Variants in NLGN1 observed in about 807,000 individuals in gnomAD.
NLGN1 encodes the protein neuroligin-1.
A neutral mutation model predicts 65.5 loss-of-function variants in NLGN1; 12 were observed. The observed-to-expected ratio is 0.18, with a 90% CI of 0.12 to 0.30. The LOEUF (loss-of-function observed/expected upper bound fraction) is 0.30, where lower values mean the gene tolerates loss of function less well. NLGN1 is among the 10% of genes least tolerant of loss of function. The pLI is 1.00. For missense variants in NLGN1, 750 were observed against 1,007.1 expected, an observed-to-expected ratio of 0.74 and a Z score of 3.46; for synonymous variants, 350 against 359.5, an observed-to-expected ratio of 0.97 and a Z score of 0.30.
intron 2 of NLGN1, among the ~76,000 whole-genome samples, chr3:173,455,982 A>G (rs185350670): frequency 6.6e-6 from 1 of 152,150 alleles, no homozygotes; most frequent in Admixed American, 6.5e-5. Context: ...AGCAAATTGA[A>G]CATTCCTCCA....
chr3:173,994,351 C>G (rs1428257748), intron 4 of NLGN1, among the ~76,000 whole-genome samples: 2 of 151,464 alleles, frequency 1.3e-5, no homozygotes. Flanking sequence ...TGCCTCAGCC[C>G]CTCAAAGTGC....
rs1769623651 is a variant in NLGN1 at position 173,715,095 on chromosome 3, G to GGA, written c.494-92576_494-92575dup. ...CCTCAAAAAAGGCATGAAAGGTGGG[G>GGA]GAGAGAGAGAAGTGGATGGACTCTA... is the stretch of plus-strand genomic sequence containing the variant. On this transcript the variant is annotated intron_variant, in intron 3 of 6. Transcript: ENST00000457714. Among the ~76,000 whole-genome samples the GGA allele has an allele frequency of 2.0e-5, 3 of 152,190 alleles. No homozygotes were observed. In the South Asian group the frequency reaches 6.2e-4, roughly 32 times the overall value.
intron 4 of NLGN1, among the ~76,000 whole-genome samples, chr3:174,009,015 T>A (rs934281283): frequency 6.6e-6 from 1 of 152,156 alleles, no homozygotes. Flanking sequence ...ATACCCTGGG[T>A]GACTTAGCAA....
chr3:173,820,407 T>TC (rs1329748337), intron 4 of NLGN1, among the ~76,000 whole-genome samples: 1 of 152,154 alleles, frequency 6.6e-6, no homozygotes, highest in East Asian at 1.9e-4. Context: ...GCGTTGGTGC[T>TC]CATAAGCATT....
chr3:174,018,343 G>A (rs1246258486), intron 4 of NLGN1, among the ~76,000 whole-genome samples: 1 of 152,090 alleles, frequency 6.6e-6, no homozygotes, highest in African/African-American at 2.4e-5. Flanking sequence ...AAGATGACAG[G>A]ATTACGAGAT....
At chr3:174,064,518 G>A (rs771964116) in intron 4 of NLGN1, among the ~76,000 whole-genome samples, 3 of 151,034 alleles carry the variant, frequency 2.0e-5, no homozygotes, top group Non-Finnish European at 4.4e-5. Context: ...ACCTCTCTAT[G>A]CCTTAGTTTC....
intron 4 of NLGN1, among the ~76,000 whole-genome samples, chr3:174,030,686 G>A (rs955355700): frequency 1.3e-5 from 2 of 152,134 alleles, no homozygotes; most frequent in African/African-American, 4.8e-5. Context: ...TAATCCACAG[G>A]TGGTGGCAGG....
At chr3:174,035,922 A>G (rs1234526405) in intron 4 of NLGN1, among the ~76,000 whole-genome samples, 1 of 152,046 alleles carries the variant, frequency 6.6e-6, no homozygotes, top group African/African-American at 2.4e-5. Flanking sequence ...AAGTTACATG[A>G]CCTTCTGCAC....
At chr3:174,168,934 A>G (rs1216141338) in intron 4 of NLGN1, among the ~76,000 whole-genome samples, 1 of 152,174 alleles carries the variant, frequency 6.6e-6, no homozygotes, top group South Asian at 2.1e-4. Context: ...CAAGAGAGTG[A>G]GTACTCCAGA....
At position 173,835,476 on chromosome 3, in the gene NLGN1, T is replaced by G. The variant is rs535946711; in HGVS notation, c.646+27644T>G. Among the ~76,000 whole-genome samples the G allele has an allele frequency of 3.7e-4, 56 of 152,032 alleles. No individual in the cohort carries two copies. The Middle Eastern group carries it at 0.02, about 55-fold the overall frequency. On this transcript the variant is annotated intron_variant, in intron 4 of 6. Coordinates refer to ENST00000457714, the Ensembl canonical transcript of NLGN1. ...TGGATACATATTTCATTATCAATCA[T>G]CTAAGAAAAGTAATATTTCATGTTT...
intron 4 of NLGN1, among the ~76,000 whole-genome samples, chr3:173,991,968 C>T (rs1383662508): frequency 6.6e-6 from 1 of 152,128 alleles, no homozygotes; most frequent in African/African-American, 2.4e-5. Context: ...GCTTGGATTA[C>T]AGGTGCCAGC....
chr3:173,629,754 T>G (rs1024727619), intron 3 of NLGN1, among the ~76,000 whole-genome samples: 1 of 152,116 alleles, frequency 6.6e-6, no homozygotes. Context: ...TTGTTTAATA[T>G]TGCTGTTATA....
At chr3:174,165,348 T>G (rs990329100) in intron 4 of NLGN1, among the ~76,000 whole-genome samples, 10 of 151,938 alleles carry the variant, frequency 6.6e-5, no homozygotes, top group African/African-American at 2.4e-4. Context: ...GGCATAGACG[T>G]GGTTCTTATT....
intron 2 of NLGN1, among the ~76,000 whole-genome samples, chr3:173,575,453 C>G (rs1745361143): frequency 6.6e-6 from 1 of 152,172 alleles, no homozygotes; most frequent in Admixed American, 6.5e-5. Flanking sequence ...GACCTGAAAT[C>G]TTAAAACAAA....
chr3:173,811,178 A>G (rs1717836764), intron 4 of NLGN1, among the ~76,000 whole-genome samples: 1 of 152,216 alleles, frequency 6.6e-6, no homozygotes, highest in South Asian at 2.1e-4. Context: ...TATTTGATAT[A>G]TTGTTACATA....
intron 4 of NLGN1, among the ~76,000 whole-genome samples, chr3:173,941,567 C>A (rs9830417): frequency 0.043 from 6,471 of 152,024 alleles, 230 homozygotes; most frequent in African/African-American, 0.1. Flanking sequence ...TTAACCTCAT[C>A]AAAACGCATT....
intron 3 of NLGN1, among the ~76,000 whole-genome samples, chr3:173,630,807 A>G (rs559028720): frequency 6.6e-6 from 1 of 152,288 alleles, no homozygotes; most frequent in African/African-American, 2.4e-5. Context: ...TACATGCCAT[A>G]AACTTCTTGA....
At chr3:173,778,426 A>G (rs1419253439) in intron 3 of NLGN1, among the ~76,000 whole-genome samples, 6 of 151,858 alleles carry the variant, frequency 4.0e-5, no homozygotes, top group African/African-American at 1.2e-4. Context: ...GCATGTGCCA[A>G]TGTTTCCATC....
chr3:173,617,961 A>G (rs1753379724), intron 3 of NLGN1, among the ~76,000 whole-genome samples: 1 of 152,114 alleles, frequency 6.6e-6, no homozygotes, highest in South Asian at 2.1e-4. Flanking sequence ...CTCTGTAAAT[A>G]GGACTTCTTG....
Sources: gnomAD v4.1 joint callset for allele counts (sites outside exome capture counted in the v4.1 genomes callset) on GRCh38, gnomAD v4.1.1 for gene constraint, MANE v1.5 for transcripts, NCBI Gene and HGNC (gene_info 2026-07-23, HGNC 2026-07-21) for gene names.